CCDC175: variants seen among roughly 807,000 people sequenced by gnomAD.
CCDC175 encodes the protein coiled-coil domain containing 175.
Under a neutral mutation model 114.6 loss-of-function variants are expected in CCDC175, and 100 were observed. That is an observed-to-expected ratio of 0.87 (90% CI 0.74 to 1.03). CCDC175 has a LOEUF of 1.03. Among genes scored for constraint, CCDC175 ranks in the 50% least tolerant of loss-of-function variants. CCDC175 has a pLI of 0.00. For missense variants in CCDC175, 880 were observed against 917.8 expected (o/e 0.96, Z 0.53); for synonymous variants, 306 against 308.7 (o/e 0.99, Z 0.09).
rs190850794 is a variant in CCDC175 at position 59,537,204 on chromosome 14, T to G, written c.1623+819A>C. 3.9e-4 allele frequency among the ~76,000 whole-genome samples: 59 copies of G among 152,330 alleles called. No homozygotes were observed. The East Asian group carries it at 8.1e-3, about 21-fold the overall frequency. On this transcript the variant is annotated intron_variant, in intron 13 of 19. Coordinates refer to ENST00000537690, the MANE Select transcript of CCDC175 (RefSeq NM_001164399.2). ...TTTTTGTATGAAAAATGTGACTACT[T>G]TCTTTTGGTTATTAATATTATTAAT... is the stretch of plus-strand genomic sequence containing the variant.
At chr14:59,524,404 A>T (rs998264991) in intron 16 of CCDC175, among the ~76,000 whole-genome samples, 1 of 152,240 alleles carries the variant, frequency 6.6e-6, no homozygotes, top group Non-Finnish European at 1.5e-5. Flanking sequence ...TATGAAATAG[A>T]CAACCTACTT....
chr14:59,510,691 C>A lies in CCDC175; in HGVS notation c.2260G>T (p.Gly754Trp). The change falls in exon 19 of 20, where the codon GGG (glycine) becomes TGG (tryptophan). Residue 754 changes from glycine to tryptophan, a missense_variant. Gly to Trp is a radical substitution (Grantham distance 184). Transcript: ENST00000537690. ...VSTWLRGSLE[G>W]LRLLVEQESP... is the part of the protein sequence containing the mutation. ...TCCTGTTCCACAAGCAAACGCAGCC[C>A]TTCAAGACTCCCTCGTAGCCATGTA... 3 of 1,537,198 alleles carry A rather than the reference C, an allele frequency of 2.0e-6. No homozygotes were observed. The highest frequency in any genetic ancestry group is 2.6e-6 in the Non-Finnish European group (3 of 1,146,890).
At chr14:59,561,254 G>C in intron 6 of CCDC175, 26 bp from the exon 7 acceptor site, 2 of 1,262,758 alleles carry the variant, frequency 1.6e-6, no homozygotes, top group Non-Finnish European at 2.2e-6. Flanking sequence ...CAAAAATATG[G>C]CATCCAATCA....
chr14:59,574,996 T>C lies in CCDC175; in HGVS notation c.190A>G (p.Asn64Asp). 6.6e-7 allele frequency: 1 copy of C among 1,518,146 alleles called. No individual in the cohort carries two copies. The highest frequency in any genetic ancestry group is 8.8e-7 in the Non-Finnish European group (1 of 1,134,362). The allele number at this position is 1,518,146 out of a possible 1,614,324, so 94.0% of individuals were successfully genotyped here. ...QSLQSDYFKC[N>D]EEAKIFLKDI... ...TTAAGAAAGATCTTAGCTTCTTCAT[T>C]ACATTTAAAATAGTCACTTTGCAGT... Residue 64 changes from asparagine to aspartate, a missense_variant, in exon 2 of 20, where the codon AAT becomes GAT. By Grantham distance (23) the Asn-to-Asp change is conservative (BLOSUM62 1). Transcript: ENST00000537690.
intron 19 of CCDC175, among the ~76,000 whole-genome samples, chr14:59,508,691 G>A (rs1892588163): frequency 6.6e-6 from 1 of 151,890 alleles, no homozygotes; most frequent in Non-Finnish European, 1.5e-5. Flanking sequence ...TGGCCTTTGG[G>A]AGGTGATTAG....
chr14:59,546,577 TACTA>T (rs1895123705), intron 8 of CCDC175, among the ~76,000 whole-genome samples: 1 of 152,192 alleles, frequency 6.6e-6, no homozygotes, highest in Non-Finnish European at 1.5e-5. Flanking sequence ...TGAAAACACT[TACTA>T]ACATAGAAGA....
At chr14:59,521,069 T>C (rs1893403072) in intron 17 of CCDC175, among the ~76,000 whole-genome samples, 1 of 152,204 alleles carries the variant, frequency 6.6e-6, no homozygotes, top group Admixed American at 6.5e-5. Flanking sequence ...GATTGAAAGA[T>C]GCAAAGTACT....
chr14:59,507,939 A>G (rs1437341987), intron 19 of CCDC175, among the ~76,000 whole-genome samples: 2 of 152,274 alleles, frequency 1.3e-5, no homozygotes, highest in East Asian at 3.9e-4. Context: ...GTTTATCATG[A>G]ACGCAGGATG....
At chr14:59,558,437 G>A (rs1212907514) in intron 7 of CCDC175, among the ~76,000 whole-genome samples, 1 of 152,196 alleles carries the variant, frequency 6.6e-6, no homozygotes, top group Non-Finnish European at 1.5e-5. Flanking sequence ...AGCTACAGTG[G>A]TGGCAGTGGT....
At chr14:59,554,886 G>C (rs1211199555) in intron 7 of CCDC175, among the ~76,000 whole-genome samples, 1 of 152,062 alleles carries the variant, frequency 6.6e-6, no homozygotes, top group Non-Finnish European at 1.5e-5. Context: ...TAAATTCCTC[G>C]ACACATACAC....
chr14:59,511,548 T>TTAAAAAAA lies in CCDC175; in HGVS notation c.2142+211_2142+212insTTTTTTTA, dbSNP rs548112842. Reference sequence around the variant, plus strand: ...ATTAAGATTTCATAGTGATATTTGGTAAAAAAAAAAAAAAAAAAAGACACA... The same window carrying TTAAAAAAA: ...ATTAAGATTTCATAGTGATATTTGGTTAAAAAAAAAAAAAAAAAAAAAAAAAAGACACA... On this transcript the variant is annotated intron_variant, in intron 18 of 19. Transcript: ENST00000537690. Among the ~76,000 whole-genome samples the TTAAAAAAA allele has an allele frequency of 2.6e-4, 25 of 94,652 alleles. 1 individual carries two copies. Among genetic ancestry groups the TTAAAAAAA allele is most frequent in the African/African-American group, 8.2e-4 (20 of 24,364 alleles). 62.1% of individuals were successfully genotyped at this position (94,652 alleles called of 152,430 possible).
At chr14:59,519,408 G>T (rs1893296808) in intron 17 of CCDC175, among the ~76,000 whole-genome samples, 1 of 152,030 alleles carries the variant, frequency 6.6e-6, no homozygotes, top group South Asian at 2.1e-4. Context: ...GAAGAGCCTG[G>T]GGTAGGCACA....
chr14:59,567,243 A>C (rs1408469974), intron 4 of CCDC175, among the ~76,000 whole-genome samples: 1 of 152,218 alleles, frequency 6.6e-6, no homozygotes, highest in Non-Finnish European at 1.5e-5. Flanking sequence ...TGTATTGTGA[A>C]TCCCCAACAG....
In CCDC175 at chr14:59,527,144, T is replaced by C; in HGVS notation, c.1793A>G (p.Asn598Ser). 2.0e-6 allele frequency: 3 copies of C among 1,499,340 alleles called. No homozygotes were observed. Among genetic ancestry groups the C allele is most frequent in the East Asian group, 2.5e-5 (1 of 39,388 alleles). 92.9% of individuals were successfully genotyped at this position (1,499,340 alleles called of 1,614,324 possible). A position where few individuals can be genotyped will look rare whatever the true frequency, so the allele number is the denominator to read the frequency against. Residue 598 changes from asparagine to serine, a missense_variant, in exon 15 of 20, where the codon AAT (asparagine) becomes AGT (serine). Asn to Ser is a conservative substitution (Grantham distance 46, BLOSUM62 1). Transcript: ENST00000537690. ...GTCCCTTGTAAACAGAAAAATGTGA[T>C]TGTTCAGTAAATCTTCCTCCTGTCT... The part of the protein sequence containing the change: ...AQRQEEDLLN[N>S]HIFLFTRDFS...
intron 2 of CCDC175, among the ~76,000 whole-genome samples, 165 bp from the exon 3 acceptor site, chr14:59,572,978 T>A (rs1056895576): frequency 6.6e-6 from 1 of 152,172 alleles, no homozygotes; most frequent in African/African-American, 2.4e-5. Flanking sequence ...GTATCTACAA[T>A]CACTATTTAA....
chr14:59,518,186 A>T (rs570856095), intron 17 of CCDC175, among the ~76,000 whole-genome samples: 2 of 152,318 alleles, frequency 1.3e-5, no homozygotes, highest in African/African-American at 4.8e-5. Flanking sequence ...TGGACTAAAG[A>T]CTTAAATCTT....
chr14:59,531,135 A>G lies in CCDC175; in HGVS notation c.1762+637T>C, dbSNP rs113766804. On this transcript the variant is annotated intron_variant, in intron 14 of 19. Coordinates refer to ENST00000537690, the MANE Select transcript of CCDC175 (RefSeq NM_001164399.2). ...TTTTGGTTTTGTTTAAAAAAAAAAA[A>G]AGATTCTGGATATATAAACTTTGGA... Among the ~76,000 whole-genome samples, 320 of 152,012 alleles carry G rather than the reference A, an allele frequency of 2.1e-3. 1 individual carries two copies. Among genetic ancestry groups the G allele is most frequent in the African/African-American group, 6.9e-3 (287 of 41,506 alleles).
Position 59,563,787 on chromosome 14 carries a change from A to G in CCDC175, c.793T>C (p.Leu265=). The G allele has an allele frequency of 7.0e-7, 1 of 1,434,604 alleles. No homozygotes were observed. The allele number at this position is 1,434,604 out of a possible 1,614,324, so 88.9% of individuals were successfully genotyped here. The change falls in exon 6 of 20, where the codon TTA becomes CTA. Residue 265 remains leucine (L), a synonymous_variant. Transcript: ENST00000537690. ...TTTATTTTTGACATTTTAGTTTGTA[A>G]TTTATCCAATTCTTTCTTCTTTTGA... ...TYQKKKELDK[L]QTKMSKIKET...
intron 1 of CCDC175, among the ~76,000 whole-genome samples, chr14:59,575,288 G>A (rs1443268722): frequency 3.3e-5 from 1 of 30,400 alleles, no homozygotes; most frequent in Non-Finnish European, 7.3e-5. Context: ...GCAAGAGGGT[G>A]TAATGATTTT....
Sources: allele counts gnomAD v4.1 joint callset (sites outside exome capture counted in the v4.1 genomes callset), GRCh38; gene constraint gnomAD v4.1.1; transcripts MANE v1.5; gene names NCBI Gene and HGNC (gene_info 2026-07-23, HGNC 2026-07-21).